The following CDC73 variants were observed in gnomAD, a reference collection of about 807,000 sequenced individuals.
The protein encoded by CDC73 is parafibromin.
CDC73 carries 21 observed loss-of-function variants against 83.7 expected under a neutral mutation model. That is an observed-to-expected ratio of 0.25 (90% CI 0.18 to 0.36). The LOEUF (loss-of-function observed/expected upper bound fraction) is 0.36, where lower values mean the gene tolerates loss of function less well. Among genes scored for constraint, CDC73 ranks in the 10% least tolerant of loss-of-function variants. CDC73 has a pLI of 1.00. For synonymous variants in CDC73, 224 were observed against 212.9 expected, an observed-to-expected ratio of 1.05 and a Z score of -0.45; for missense variants, 342 against 653.3, an observed-to-expected ratio of 0.52 and a Z score of 5.19.
chr1:193,123,743 T>G (rs1675511572), intron 1 of CDC73, among the ~76,000 whole-genome samples: 1 of 152,118 alleles, frequency 6.6e-6, no homozygotes, highest in South Asian at 2.1e-4. Flanking sequence ...TTAAAAAAAT[T>G]CCTAAGACTC....
At chr1:193,138,708 TTCTA>T (rs764763733) in intron 6 of CDC73, among the ~76,000 whole-genome samples, 15 of 152,170 alleles carry the variant, frequency 9.9e-5, no homozygotes, top group African/African-American at 2.2e-4. Flanking sequence ...TTGGATTCTT[TTCTA>T]TCTGTCTGTT....
intron 10 of CDC73, chr1:193,181,121 C>G: frequency 6.2e-7 from 1 of 1,614,026 alleles, no homozygotes; most frequent in Non-Finnish European, 8.5e-7. Flanking sequence ...GGACTTTTCT[C>G]TTGGCATTTT....
chr1:193,193,780 A>AGTGTGTGTGTGTGTGT (rs71111459), intron 10 of CDC73, among the ~76,000 whole-genome samples: 1 of 135,838 alleles, frequency 7.4e-6, no homozygotes, highest in Admixed American at 7.3e-5. Flanking sequence ...TCTTACTTGT[A>AGTGTGTGTGTGTGTGT]GTGTGTGTGT....
At position 193,201,331 on chromosome 1, in the gene CDC73, A is replaced by G. The variant is rs186992750; in HGVS notation, c.973-2464A>G. Among the ~76,000 whole-genome samples the G allele has an allele frequency of 1.1e-4, 17 of 152,342 alleles. No homozygotes were observed. The East Asian group carries it at 3.1e-3, about 28-fold the overall frequency. On this transcript the variant is annotated intron_variant, in intron 10 of 16. Transcript: ENST00000367435. ...AAGGGTAAAGTAGGTCTTGCAGGCC[A>G]CTAGAAATAGATAGTAGATATTATA...
intron 13 of CDC73, among the ~76,000 whole-genome samples, chr1:193,218,710 C>T (rs1391795274): frequency 1.3e-5 from 2 of 152,126 alleles, no homozygotes; most frequent in African/African-American, 4.8e-5. Context: ...TAGCCAAATG[C>T]AGAAGATTGA....
chr1:193,238,876 A>C (rs1480642183), intron 15 of CDC73, among the ~76,000 whole-genome samples: 2 of 152,182 alleles, frequency 1.3e-5, no homozygotes, highest in African/African-American at 2.4e-5. Context: ...GAGGAGGAGG[A>C]AGGGTTAGTC....
At chr1:193,129,998 A>G (rs961182767) in intron 2 of CDC73, among the ~76,000 whole-genome samples, 176 bp from the exon 3 acceptor site, 1 of 152,204 alleles carries the variant, frequency 6.6e-6, no homozygotes, top group Non-Finnish European at 1.5e-5. Context: ...AACATGTTTA[A>G]TAAATTTTCA....
intron 10 of CDC73, among the ~76,000 whole-genome samples, chr1:193,176,081 T>A (rs1310338325): frequency 6.6e-6 from 1 of 152,156 alleles, no homozygotes; most frequent in Non-Finnish European, 1.5e-5. Flanking sequence ...TTAAAACAAA[T>A]TTTAAATGTT....
chr1:193,124,556 A>G, intron 1 of CDC73, among the ~76,000 whole-genome samples: 1 of 152,222 alleles, frequency 6.6e-6, no homozygotes, highest in African/African-American at 2.4e-5. Flanking sequence ...TTGCACCGTT[A>G]GTAGACTACA....
intron 1 of CDC73, chr1:193,122,536 A>C (rs1260548239): frequency 1.0e-5 from 6 of 579,586 alleles, no homozygotes; most frequent in Non-Finnish European, 1.8e-5. Flanking sequence ...TCATCACTTA[A>C]AATTTTTGAG....
At chr1:193,232,431 A>G (rs1677676144) in intron 13 of CDC73, among the ~76,000 whole-genome samples, 1 of 152,106 alleles carries the variant, frequency 6.6e-6, no homozygotes, top group Non-Finnish European at 1.5e-5. Flanking sequence ...TTGAATGAAT[A>G]TAAATTGTGT....
chr1:193,236,226 A>G (rs765294146), intron 14 of CDC73, 30 bp from the exon 15 acceptor site: 5 of 1,359,474 alleles, frequency 3.7e-6, no homozygotes, highest in South Asian at 3.5e-5. Context: ...TCTGTCCCCT[A>G]CCTCCCCCCA....
At chr1:193,211,257 C>T (rs1263325328) in intron 11 of CDC73, among the ~76,000 whole-genome samples, 1 of 152,170 alleles carries the variant, frequency 6.6e-6, no homozygotes, top group Non-Finnish European at 1.5e-5. Context: ...AATTTAATGC[C>T]TTTTCCATCT....
chr1:193,248,740 G>A lies in CDC73; in HGVS notation c.1418-990G>A, dbSNP rs984410994. On this transcript the variant is annotated intron_variant, in intron 15 of 16. Coordinates refer to ENST00000367435, the MANE Select transcript of CDC73 (RefSeq NM_024529.5). ...ACTTCAGTGGAGGAAATAAAGATAG[G>A]GTGTGGAAATAGCAAGTGAACTAGC... is the stretch of plus-strand genomic sequence containing the variant. Among the ~76,000 whole-genome samples, 10 of 152,108 alleles carry A rather than the reference G, an allele frequency of 6.6e-5. 1 individual carries two copies. The East Asian group carries it at 1.4e-3, about 21-fold the overall frequency.
chr1:193,148,025 TAG>T, intron 8 of CDC73, 60 bp downstream of exon 8: 1 of 1,083,960 alleles, frequency 9.2e-7, no homozygotes, highest in South Asian at 1.3e-5. Flanking sequence ...TATTGCAGTG[TAG>T]TAACGTTGAA....
chr1:193,245,803 T>G (rs1218936552), intron 15 of CDC73, among the ~76,000 whole-genome samples: 14 of 152,154 alleles, frequency 9.2e-5, no homozygotes, highest in African/African-American at 3.4e-4. Context: ...TTTGGTATTT[T>G]CTTGTCTTTT....
intron 13 of CDC73, among the ~76,000 whole-genome samples, chr1:193,230,811 G>A (rs1677650844): frequency 6.6e-6 from 1 of 152,142 alleles, no homozygotes; most frequent in African/African-American, 2.4e-5. Flanking sequence ...AATCTTTTTA[G>A]TAGACTTAAC....
At chr1:193,179,665 A>T (rs1238976437) in intron 10 of CDC73, 1 of 152,562 alleles carries the variant, frequency 6.6e-6, no homozygotes, top group Non-Finnish European at 1.5e-5. Context: ...TTTCCCCCAT[A>T]TATTAATAAA....
chr1:193,138,268 C>T, intron 6 of CDC73, 95 bp downstream of exon 6: 1 of 860,784 alleles, frequency 1.2e-6, no homozygotes, highest in South Asian at 1.3e-5. Context: ...TTTACATTTA[C>T]CTCTTGGATT....
Sources: allele counts gnomAD v4.1 joint callset (sites outside exome capture counted in the v4.1 genomes callset), GRCh38; gene constraint gnomAD v4.1.1; transcripts MANE v1.5; gene names NCBI Gene and HGNC (gene_info 2026-07-23, HGNC 2026-07-21).